ARHGEF33: variants seen among roughly 807,000 people sequenced by gnomAD.
ARHGEF33 encodes the protein DH and coiled-coil domain-containing protein ENSP00000381780.
ARHGEF33 carries 72 observed loss-of-function variants against 101.9 expected under a neutral mutation model. The ratio of observed to expected loss-of-function variants is 0.71; its 90% confidence interval spans 0.58 to 0.86. The LOEUF is 0.86. ARHGEF33 is among the 40% of genes least tolerant of loss of function. The probability of loss-of-function intolerance (pLI) is 0.00; values close to 1 mark genes in which losing one functional copy is unlikely to be tolerated. For synonymous variants in ARHGEF33, 499 were observed against 442.5 expected (o/e 1.13, Z -1.60); for missense variants, 1,169 against 1,111.3 (o/e 1.05, Z -0.74).
intron 4 of ARHGEF33, among the ~76,000 whole-genome samples, chr2:38,928,185 C>T (rs977721392): frequency 2.0e-5 from 3 of 152,096 alleles, no homozygotes; most frequent in African/African-American, 7.2e-5. Context: ...GGATTTGTAC[C>T]CTACCTGATC....
chr2:38,962,574 T>C (rs1667968326), intron 16 of ARHGEF33, among the ~76,000 whole-genome samples: 1 of 152,146 alleles, frequency 6.6e-6, no homozygotes, highest in Non-Finnish European at 1.5e-5. Context: ...TCAAGTCAGT[T>C]CAAAATGAGA....
intron 11 of ARHGEF33, 23 bp downstream of exon 11, chr2:38,951,144 A>G: frequency 3.9e-6 from 6 of 1,549,352 alleles, no homozygotes; most frequent in Non-Finnish European, 5.2e-6. Context: ...CTGCCCCTCT[A>G]TACATTTTAC....
chr2:38,970,219 T>G (rs184158954), intron 17 of ARHGEF33, among the ~76,000 whole-genome samples: 287 of 152,320 alleles, frequency 1.9e-3, no homozygotes, highest in Non-Finnish European at 3.2e-3. Flanking sequence ...ATTAATCCCA[T>G]CACTGTCTAT....
chr2:38,903,040 G>T (rs1203256291), intron 2 of ARHGEF33, among the ~76,000 whole-genome samples: 5 of 152,090 alleles, frequency 3.3e-5, no homozygotes, highest in African/African-American at 9.7e-5. Context: ...GAACGAAATA[G>T]GCCTTGGTGG....
intron 13 of ARHGEF33, among the ~76,000 whole-genome samples, chr2:38,955,257 C>A (rs934259207): frequency 6.6e-6 from 1 of 152,156 alleles, no homozygotes; most frequent in African/African-American, 2.4e-5. Flanking sequence ...GATGTCTTCA[C>A]ACCAATTTCC....
At chr2:38,944,870 T>C (rs1414559127) in intron 10 of ARHGEF33, among the ~76,000 whole-genome samples, 1 of 81,552 alleles carries the variant, frequency 1.2e-5, no homozygotes, top group Non-Finnish European at 2.6e-5. Flanking sequence ...TACTGAGTAA[T>C]GCATGGGTGT....
intron 17 of ARHGEF33, among the ~76,000 whole-genome samples, chr2:38,970,896 T>C (rs938566405): frequency 6.6e-6 from 1 of 152,236 alleles, no homozygotes; most frequent in Non-Finnish European, 1.5e-5. Flanking sequence ...CTTTCTCATA[T>C]ATCAGTCCCT....
rs189360285 is a variant in ARHGEF33, at chr2:38,935,852, T to A, written c.565+18T>A. 2.2e-4 allele frequency: 342 copies of A among 1,538,334 alleles called. No homozygotes were observed. The highest frequency in any genetic ancestry group is 2.0e-3 in the Middle Eastern group (12 of 5,986). On this transcript the variant is annotated intron_variant, in intron 8 of 17. Coordinates refer to ENST00000409978, the MANE Select transcript of ARHGEF33 (RefSeq NM_001145451.5). ...GGGTCCTGGTAAGTGACTCTTCTCT[T>A]AGTTTTCTTTTCTTCCAGCAATTCC...
intron 9 of ARHGEF33, among the ~76,000 whole-genome samples, chr2:38,941,646 C>A (rs1281334471): frequency 1.3e-5 from 2 of 151,590 alleles, no homozygotes; most frequent in Non-Finnish European, 2.9e-5. Context: ...CTGCCAGGTT[C>A]AAGCAATCCC....
Position 38,960,006 on chromosome 2 carries a change from G to T in ARHGEF33, c.1701G>T (p.Ala567=). Residue 567 remains alanine, a synonymous_variant, in exon 16 of 18, where the codon GCG becomes GCT. Coordinates refer to ENST00000409978, the MANE Select transcript of ARHGEF33 (RefSeq NM_001145451.5). ...GCGCGGCCGAGCAGGACGTGAAGGC[G>T]CTGGCCGGGCCCCTGCAGGCCATCC... ...QFCAAEQDVK[A]LAGPLQAIPE... 1 of 1,549,432 alleles carries T rather than the reference G, an allele frequency of 6.5e-7. No homozygotes were observed. Among genetic ancestry groups the T allele is most frequent in the East Asian group, 2.4e-5 (1 of 40,844 alleles).
intron 2 of ARHGEF33, among the ~76,000 whole-genome samples, chr2:38,906,436 G>C (rs1666392898): frequency 6.6e-6 from 1 of 152,104 alleles, no homozygotes; most frequent in Non-Finnish European, 1.5e-5. Context: ...TCTCCTTATG[G>C]AATGTCTCTA....
At chr2:38,907,369 C>A (rs567949802) in intron 2 of ARHGEF33, among the ~76,000 whole-genome samples, 68 of 152,262 alleles carry the variant, frequency 4.5e-4, no homozygotes, top group African/African-American at 1.5e-3. Flanking sequence ...TCTTTTTCTC[C>A]TTTCTAGCTG....
intron 7 of ARHGEF33, among the ~76,000 whole-genome samples, chr2:38,935,059 A>T (rs1382203037): frequency 1.3e-5 from 2 of 151,840 alleles, no homozygotes; most frequent in African/African-American, 4.8e-5. Context: ...AAAAAAAAAA[A>T]AAAAGAAACA....
Position 38,975,289 on chromosome 2 carries a change from G to C in ARHGEF33, c.*1446G>C, listed in dbSNP as rs1668252430. The C allele has an allele frequency of 6.6e-6, 1 of 152,154 alleles. No individual in the cohort carries two copies. The highest frequency in any genetic ancestry group is 2.4e-5 in the African/African-American group (1 of 41,430). The allele number at this position is 152,154 out of a possible 1,614,324, so 9.4% of individuals were successfully genotyped here. ...TTGAGTTTCCAGGATCTAAGTTTAA[G>C]CCAAGATTTTTGTTTCCCAGAAGTT... On this transcript the variant is annotated 3_prime_UTR_variant, in exon 18 of 18. Coordinates refer to ENST00000409978, the MANE Select transcript of ARHGEF33 (RefSeq NM_001145451.5).
chr2:38,944,442 G>C (rs1667389110), intron 10 of ARHGEF33, among the ~76,000 whole-genome samples: 1 of 152,098 alleles, frequency 6.6e-6, no homozygotes, highest in African/African-American at 2.4e-5. Context: ...CATTCATAGT[G>C]CGGAGCTCTC....
At chr2:38,907,646 G>A (rs1012504882) in intron 2 of ARHGEF33, among the ~76,000 whole-genome samples, 6 of 152,118 alleles carry the variant, frequency 3.9e-5, no homozygotes, top group Non-Finnish European at 8.8e-5. Flanking sequence ...GCAAATCAGG[G>A]CCATCTCTAG....
chr2:38,904,753 A>G lies in ARHGEF33; in HGVS notation c.-86+8904A>G, dbSNP rs76132712. ...AGAAGAAAAAGAAAAGAAAACGCCT[A>G]TTGCAGTTTTTGAGCAGGAACAAAA... On this transcript the variant is annotated intron_variant, in intron 2 of 17. Transcript: ENST00000409978. Among the ~76,000 whole-genome samples the G allele has an allele frequency of 6.2e-3, 938 of 151,970 alleles. 3 individuals are homozygous for G. The highest frequency in any genetic ancestry group is 0.01 in the Middle Eastern group (3 of 294).
Position 38,970,769 on chromosome 2 carries a change from AT to A in ARHGEF33, c.2484-2944del, listed in dbSNP as rs1363591047. Among the ~76,000 whole-genome samples the A allele has an allele frequency of 2.0e-5, 3 of 152,338 alleles. No individual in the cohort carries two copies. The East Asian group carries it at 5.8e-4, about 29-fold the overall frequency. On this transcript the variant is annotated intron_variant, in intron 17 of 17. Transcript: ENST00000409978. ...CACTCAACAAATATTTATTAAATGA[AT>A]GCTCATTTCCTTTGGGCTCTCCAAA...
At chr2:38,923,859 T>A (rs1417594416) in intron 4 of ARHGEF33, among the ~76,000 whole-genome samples, 1 of 152,188 alleles carries the variant, frequency 6.6e-6, no homozygotes, top group Non-Finnish European at 1.5e-5. Context: ...AACCATAAAA[T>A]TTTAAAATAA....
Sources: allele counts gnomAD v4.1 joint callset (sites outside exome capture counted in the v4.1 genomes callset), GRCh38; gene constraint gnomAD v4.1.1; transcripts MANE v1.5; gene names NCBI Gene and HGNC (gene_info 2026-07-23, HGNC 2026-07-21).